TAF3: variants seen among roughly 807,000 people sequenced by gnomAD.
TAF3 encodes transcription initiation factor TFIID subunit 3.
In TAF3, 7 loss-of-function variants were observed where a neutral mutation model predicts 80.6. The observed-to-expected ratio is 0.09, with a 90% CI of 0.05 to 0.16. The LOEUF is 0.16. Among genes scored for constraint, TAF3 ranks in the 10% least tolerant of loss-of-function variants. The probability of loss-of-function intolerance (pLI) is 1.00; values close to 1 mark genes in which losing one functional copy is unlikely to be tolerated. For synonymous variants in TAF3, 444 were observed against 446.1 expected, an observed-to-expected ratio of 1.00 and a Z score of 0.06; for missense variants, 921 against 1,140.2, an observed-to-expected ratio of 0.81 and a Z score of 2.77.
At chr10:7,975,214 G>A (rs567011662) in intron 3 of TAF3, 67 of 176,006 alleles carry the variant, frequency 3.8e-4, no homozygotes, top group African/African-American at 1.4e-3. Flanking sequence ...TGGGCACAGA[G>A]AAGTTTGTAG....
At chr10:7,842,155 T>TTTTTTGTTGTTG (rs1836922297) in intron 2 of TAF3, among the ~76,000 whole-genome samples, 1 of 122,074 alleles carries the variant, frequency 8.2e-6, no homozygotes, top group African/African-American at 3.1e-5. Context: ...AATATTGTTT[T>TTTTTTGTTGTTG]TTTTTTTTGT....
intron 2 of TAF3, among the ~76,000 whole-genome samples, chr10:7,951,362 T>C (rs1213599392): frequency 6.6e-6 from 1 of 152,224 alleles, no homozygotes; most frequent in African/African-American, 2.4e-5. Flanking sequence ...GGATCACCCA[T>C]ACATTTACTG....
intron 1 of TAF3, among the ~76,000 whole-genome samples, chr10:7,819,870 A>G (rs200686520): frequency 6.6e-6 from 1 of 152,294 alleles, no homozygotes; most frequent in South Asian, 2.1e-4. Flanking sequence ...TTAGGCCCCA[A>G]GTTTCGTTCC....
intron 4 of TAF3, among the ~76,000 whole-genome samples, chr10:7,994,031 C>G (rs1312038550): frequency 1.4e-5 from 2 of 145,462 alleles, no homozygotes; most frequent in African/African-American, 5.1e-5. Context: ...ATCCCTCCCC[C>G]TCTCTCTTTC....
At chr10:7,974,133 T>TACACACACACAC (rs56363651) in intron 3 of TAF3, among the ~76,000 whole-genome samples, 132 of 145,360 alleles carry the variant, frequency 9.1e-4, no homozygotes, top group South Asian at 6.7e-3. Context: ...TTCTGAAACA[T>TACACACACACAC]ACACACACAC....
At chr10:7,851,896 C>T (rs892303442) in intron 2 of TAF3, among the ~76,000 whole-genome samples, 2 of 151,802 alleles carry the variant, frequency 1.3e-5, no homozygotes, top group African/African-American at 4.8e-5. Flanking sequence ...AGCAATCCTC[C>T]CACCTCCTGA....
intron 2 of TAF3, among the ~76,000 whole-genome samples, chr10:7,909,273 T>A (rs1837635781): frequency 1.3e-5 from 2 of 152,242 alleles, no homozygotes; most frequent in Admixed American, 1.3e-4. Context: ...TCTAGTTGAT[T>A]CTTGTACATG....
chr10:7,982,857 C>A (rs533787197), intron 4 of TAF3, among the ~76,000 whole-genome samples: 1 of 152,286 alleles, frequency 6.6e-6, no homozygotes. Flanking sequence ...TTTTTGTTGA[C>A]TTTTGCACAC....
intron 5 of TAF3, among the ~76,000 whole-genome samples, chr10:8,011,344 C>T (rs1401667676): frequency 2.0e-5 from 3 of 152,206 alleles, no homozygotes. Context: ...GCCTCGACCT[C>T]CTGGGCCCCA....
rs528740876 is a variant in TAF3 at position 7,897,646 on chromosome 10, C to T, written c.410-66274C>T. On this transcript the variant is annotated intron_variant, in intron 2 of 6. Coordinates refer to ENST00000344293, the MANE Select transcript of TAF3 (RefSeq NM_031923.4). Reference sequence around the variant, plus strand: ...AACTTCCTTTCTCCTAGTTCCTATTCTCTCTCTCTCTCTCTTTCTTTCTTT... The same window carrying T: ...AACTTCCTTTCTCCTAGTTCCTATTTTCTCTCTCTCTCTCTTTCTTTCTTT... Among the ~76,000 whole-genome samples the T allele has an allele frequency of 3.4e-3, 501 of 149,230 alleles. 1 individual carries two copies. Among genetic ancestry groups the T allele is most frequent in the African/African-American group, 0.011 (463 of 40,924 alleles).
intron 2 of TAF3, among the ~76,000 whole-genome samples, chr10:7,835,432 A>G (rs10508337): frequency 0.049 from 7,433 of 152,236 alleles, 308 homozygotes; most frequent in Admixed American, 0.11. Flanking sequence ...GAACTTGCTC[A>G]CTGAGATTTT....
At chr10:7,819,527 G>T (rs1024667035) in intron 1 of TAF3, among the ~76,000 whole-genome samples, 4 of 152,208 alleles carry the variant, frequency 2.6e-5, no homozygotes, top group Non-Finnish European at 5.9e-5. Flanking sequence ...AGGATAGAGG[G>T]ACCGTGGGCA....
chr10:7,856,305 G>A (rs964727752), intron 2 of TAF3, among the ~76,000 whole-genome samples: 1 of 151,868 alleles, frequency 6.6e-6, no homozygotes, highest in East Asian at 1.9e-4. Context: ...GTGAAACCCC[G>A]TCTCTACTAA....
chr10:7,875,004 G>A (rs1837301186), intron 2 of TAF3, among the ~76,000 whole-genome samples: 1 of 151,916 alleles, frequency 6.6e-6, no homozygotes, highest in African/African-American at 2.4e-5. Flanking sequence ...AAAATGTGCT[G>A]TTTTTCTTTT....
chr10:7,892,222 C>G (rs549879997), intron 2 of TAF3, among the ~76,000 whole-genome samples: 10 of 152,228 alleles, frequency 6.6e-5, no homozygotes, highest in African/African-American at 2.4e-4. Flanking sequence ...TTCATAAGGA[C>G]TTGGCTAGGA....
At chr10:7,981,477 T>C (rs1266433338) in intron 4 of TAF3, among the ~76,000 whole-genome samples, 5 of 152,240 alleles carry the variant, frequency 3.3e-5, no homozygotes, top group African/African-American at 9.6e-5. Context: ...TCAGGTGATA[T>C]TGGAACCATT....
intron 1 of TAF3, among the ~76,000 whole-genome samples, chr10:7,819,879 C>A (rs1836672858): frequency 6.6e-6 from 1 of 152,190 alleles, no homozygotes; most frequent in Non-Finnish European, 1.5e-5. Context: ...AAGTTTCGTT[C>A]CCGCTTCCAC....
intron 2 of TAF3, among the ~76,000 whole-genome samples, chr10:7,832,730 A>G (rs1404441861): frequency 6.6e-6 from 1 of 152,008 alleles, no homozygotes; most frequent in East Asian, 1.9e-4. Flanking sequence ...TTGTGTTTTT[A>G]GTAGAGATGC....
intron 2 of TAF3, among the ~76,000 whole-genome samples, chr10:7,836,282 C>A (rs1836851240): frequency 8.6e-6 from 1 of 115,612 alleles, no homozygotes; most frequent in Non-Finnish European, 1.7e-5. Context: ...TCCACGTTTT[C>A]TTTTTTCTTT....
Sources: allele counts gnomAD v4.1 joint callset (sites outside exome capture counted in the v4.1 genomes callset), GRCh38; gene constraint gnomAD v4.1.1; transcripts MANE v1.5; gene names NCBI Gene and HGNC (gene_info 2026-07-23, HGNC 2026-07-21).